The following GRIK1 variants were observed in gnomAD, a reference collection of about 807,000 sequenced individuals.
GRIK1 encodes glutamate receptor ionotropic, kainate 1.
GRIK1 carries 69 observed loss-of-function variants against 105.7 expected under a neutral mutation model. The observed-to-expected ratio is 0.65, with a 90% CI of 0.54 to 0.80. The LOEUF is 0.80. Among genes scored for constraint, GRIK1 ranks in the 30% least tolerant of loss-of-function variants. GRIK1 has a pLI of 0.00. For synonymous variants in GRIK1, 438 were observed against 431.3 expected (o/e 1.02, Z -0.19); for missense variants, 1,109 against 1,167.3 (o/e 0.95, Z 0.73).
chr21:29,625,923 TC>T (rs2062118186), intron 7 of GRIK1, among the ~76,000 whole-genome samples: 1 of 151,970 alleles, frequency 6.6e-6, no homozygotes, highest in Non-Finnish European at 1.5e-5. Context: ...CAAAGTTGTG[TC>T]CCCCCAAATT....
chr21:29,553,744 G>T (rs761306637), intron 16 of GRIK1: 11 of 1,337,686 alleles, frequency 8.2e-6, no homozygotes, highest in Non-Finnish European at 1.1e-5. Context: ...ATAGAAAAAT[G>T]AATAAATCAG....
At chr21:29,690,450 T>C (rs1487321965) in intron 2 of GRIK1, among the ~76,000 whole-genome samples, 3 of 152,380 alleles carry the variant, frequency 2.0e-5, no homozygotes, top group African/African-American at 7.2e-5. Context: ...GTGCTTTAGC[T>C]CCTATCTTTC....
chr21:29,639,676 G>A (rs1041335260), intron 7 of GRIK1, among the ~76,000 whole-genome samples: 4 of 152,182 alleles, frequency 2.6e-5, no homozygotes, highest in South Asian at 2.1e-4. Flanking sequence ...TTAATGAAGC[G>A]TGTCAATCCT....
At chr21:29,917,779 T>C (rs2071048584) in intron 1 of GRIK1, among the ~76,000 whole-genome samples, 1 of 152,086 alleles carries the variant, frequency 6.6e-6, no homozygotes, top group Non-Finnish European at 1.5e-5. Flanking sequence ...ACATAGTTTC[T>C]GATGTATTTC....
chr21:29,732,699 A>T (rs1324134915), intron 1 of GRIK1, among the ~76,000 whole-genome samples: 2 of 152,188 alleles, frequency 1.3e-5, no homozygotes, highest in Non-Finnish European at 2.9e-5. Flanking sequence ...AATAACTTCT[A>T]TCCATTGGAG....
intron 1 of GRIK1, among the ~76,000 whole-genome samples, chr21:29,772,163 G>T (rs2065830210): frequency 6.6e-6 from 1 of 152,078 alleles, no homozygotes; most frequent in African/African-American, 2.4e-5. Flanking sequence ...CTTTCGAAAT[G>T]GAAATGTTTA....
intron 7 of GRIK1, among the ~76,000 whole-genome samples, chr21:29,638,736 G>A (rs1029224): frequency 0.23 from 34,910 of 152,046 alleles, 4,120 homozygotes; most frequent in Non-Finnish European, 0.26. Flanking sequence ...TAATCTAACT[G>A]CAATCTTACT....
At chr21:29,623,969 G>A (rs1436722457) in intron 7 of GRIK1, among the ~76,000 whole-genome samples, 1 of 152,186 alleles carries the variant, frequency 6.6e-6, no homozygotes. Flanking sequence ...ATCTTTGGCT[G>A]AACGTGTTTT....
chr21:29,894,457 C>T (rs2070032172), intron 1 of GRIK1, among the ~76,000 whole-genome samples: 1 of 152,188 alleles, frequency 6.6e-6, no homozygotes, highest in Admixed American at 6.5e-5. Flanking sequence ...GGCCAGAAGA[C>T]TCAGCAAGTC....
intron 1 of GRIK1, among the ~76,000 whole-genome samples, chr21:29,847,896 CTCTT>C (rs913085233): frequency 7.2e-4 from 107 of 149,022 alleles, no homozygotes; most frequent in African/African-American, 1.5e-3. Context: ...TATTGTTTCT[CTCTT>C]TCTCTCTCTC....
intron 15 of GRIK1, among the ~76,000 whole-genome samples, chr21:29,558,579 G>GA (rs1249969799): frequency 6.6e-6 from 1 of 151,624 alleles, no homozygotes; most frequent in Non-Finnish European, 1.5e-5. Flanking sequence ...CAACAACTGT[G>GA]AAAAATTCCT....
intron 3 of GRIK1, among the ~76,000 whole-genome samples, chr21:29,673,878 G>A (rs143545013): frequency 3.9e-4 from 59 of 152,278 alleles, no homozygotes; most frequent in African/African-American, 1.4e-3. Context: ...ACTTGATGGA[G>A]AATGTTTGAT....
chr21:29,719,663 T>C (rs898682389), intron 1 of GRIK1, among the ~76,000 whole-genome samples: 1 of 152,206 alleles, frequency 6.6e-6, no homozygotes, highest in Non-Finnish European at 1.5e-5. Context: ...TTAAAAGCTC[T>C]GCAGCATGTC....
rs183090136 is a variant in GRIK1, at chr21:29,738,250, G to A, written c.119-44187C>T. On this transcript the variant is annotated intron_variant, in intron 1 of 17. Transcript: ENST00000327783. ...TCTCCCACTTTATCTGTTTGTGTGG[G>A]GTGTGTATATGTGTGCTCACGAACA... 5.9e-3 allele frequency among the ~76,000 whole-genome samples: 893 copies of A among 152,260 alleles called. 13 individuals are homozygous for A. The highest frequency in any genetic ancestry group is 0.02 in the African/African-American group (841 of 41,562).
At chr21:29,576,330 A>T (rs913328032) in intron 14 of GRIK1, among the ~76,000 whole-genome samples, 50 of 152,340 alleles carry the variant, frequency 3.3e-4, no homozygotes, top group African/African-American at 1.1e-3. Flanking sequence ...TGCCCTTGAC[A>T]CTAAAACTAA....
chr21:29,747,279 C>A (rs929017415), intron 1 of GRIK1, among the ~76,000 whole-genome samples: 2 of 152,172 alleles, frequency 1.3e-5, no homozygotes, highest in African/African-American at 4.8e-5. Context: ...AGTCTCAGAG[C>A]AATATGGGCA....
At chr21:29,866,459 GA>G (rs1306035349) in intron 1 of GRIK1, among the ~76,000 whole-genome samples, 1 of 152,104 alleles carries the variant, frequency 6.6e-6, no homozygotes, top group African/African-American at 2.4e-5. Flanking sequence ...ATGTGGAATG[GA>G]AGTTAGAAAC....
chr21:29,615,997 A>G (rs539957455), intron 7 of GRIK1, among the ~76,000 whole-genome samples: 2 of 152,308 alleles, frequency 1.3e-5, no homozygotes, highest in African/African-American at 4.8e-5. Flanking sequence ...TCTTTCCTCT[A>G]TTTGGCCTGG....
chr21:29,656,699 C>A (rs76570131), intron 4 of GRIK1, among the ~76,000 whole-genome samples: 1 of 152,138 alleles, frequency 6.6e-6, no homozygotes, highest in East Asian at 1.9e-4. Context: ...AAGTTATCAG[C>A]GGTTCTGGAA....
Sources: allele counts gnomAD v4.1 joint callset (sites outside exome capture counted in the v4.1 genomes callset), GRCh38; gene constraint gnomAD v4.1.1; transcripts MANE v1.5; gene names NCBI Gene and HGNC (gene_info 2026-07-23, HGNC 2026-07-21).